LPP: variants seen among roughly 807,000 people sequenced by gnomAD.
The protein encoded by LPP is LIM domain containing preferred translocation partner in lipoma.
A neutral mutation model predicts 60.4 loss-of-function variants in LPP; 38 were observed. The observed-to-expected ratio is 0.63, with a 90% CI of 0.49 to 0.83. The LOEUF is 0.83. Ranked by LOEUF, LPP falls within the 40% of genes least tolerant of loss-of-function variation. The pLI, the probability that LPP is intolerant of heterozygous loss-of-function variation, is 0.00. For synonymous variants in LPP, 328 were observed against 290.8 expected (o/e 1.13, Z -1.30); for missense variants, 902 against 783.6 (o/e 1.15, Z -1.80).
intron 4 of LPP, 129 bp from the exon 5 acceptor site, chr3:188,484,463 A>G: frequency 3.2e-6 from 2 of 626,666 alleles, no homozygotes; most frequent in South Asian, 4.1e-5. Flanking sequence ...AAGATGGGGA[A>G]TAATTGCTAT....
intron 7 of LPP, among the ~76,000 whole-genome samples, chr3:188,632,158 T>A (rs1462745438): frequency 6.6e-6 from 1 of 152,210 alleles, no homozygotes. Context: ...TACCTCTGTC[T>A]TTTCCTCAAA....
At chr3:188,439,478 A>C (rs1793234963) in intron 4 of LPP, among the ~76,000 whole-genome samples, 1 of 152,214 alleles carries the variant, frequency 6.6e-6, no homozygotes, top group South Asian at 2.1e-4. Flanking sequence ...ATAATTGACC[A>C]GTTAGGTAAC....
chr3:188,565,105 A>G (rs1831808870), intron 6 of LPP, among the ~76,000 whole-genome samples: 1 of 151,962 alleles, frequency 6.6e-6, no homozygotes, highest in Non-Finnish European at 1.5e-5. Flanking sequence ...TTCTTCCTCC[A>G]ACACAGCTCC....
intron 9 of LPP, among the ~76,000 whole-genome samples, chr3:188,770,644 G>C (rs556908769): frequency 1.3e-4 from 20 of 152,280 alleles, no homozygotes; most frequent in Non-Finnish European, 2.1e-4. Context: ...GCAGAGAAGA[G>C]AGTGTGTGTC....
intron 9 of LPP, among the ~76,000 whole-genome samples, chr3:188,830,616 A>C (rs938964918): frequency 1.2e-4 from 19 of 152,138 alleles, no homozygotes; most frequent in Middle Eastern, 3.4e-3. Context: ...AAAAACAAAA[A>C]AAAAAATGCT....
At chr3:188,606,334 T>C (rs1326183657) in intron 6 of LPP, among the ~76,000 whole-genome samples, 1 of 152,194 alleles carries the variant, frequency 6.6e-6, no homozygotes, top group African/African-American at 2.4e-5. Context: ...TCCTGACTCT[T>C]ATGGCTATCT....
rs538104773 is a variant in LPP, at chr3:188,281,512, G to A, written c.-67+55985G>A. ...CCAGCTACTTGGGAGGCTGAGGCAG[G>A]AGAATCGCTTGAACCCAGGAGGCGG... On this transcript the variant is annotated intron_variant, in intron 2 of 11. Transcript: ENST00000617246. 3.4e-5 allele frequency among the ~76,000 whole-genome samples: 5 copies of A among 147,774 alleles called. No individual in the cohort carries two copies. In the East Asian group the frequency reaches 8.3e-4, roughly 24 times the overall value.
At chr3:188,701,523 C>T (rs1163089552) in intron 7 of LPP, among the ~76,000 whole-genome samples, 1 of 152,236 alleles carries the variant, frequency 6.6e-6, no homozygotes, top group Non-Finnish European at 1.5e-5. Flanking sequence ...CAGCGAGTGA[C>T]TTATCTCCAT....
chr3:188,820,969 C>T (rs1349970609), intron 9 of LPP, among the ~76,000 whole-genome samples: 1 of 152,002 alleles, frequency 6.6e-6, no homozygotes, highest in African/African-American at 2.4e-5. Context: ...GAGATGATTT[C>T]CTCTTAGAAT....
chr3:188,700,892 C>A (rs922242332), intron 7 of LPP, among the ~76,000 whole-genome samples: 1 of 151,926 alleles, frequency 6.6e-6, no homozygotes, highest in Non-Finnish European at 1.5e-5. Flanking sequence ...ACTATGGGCA[C>A]AAATGGGCAC....
At chr3:188,829,989 C>G (rs1756701395) in intron 9 of LPP, among the ~76,000 whole-genome samples, 1 of 142,668 alleles carries the variant, frequency 7.0e-6, no homozygotes. Context: ...GTGGACAACA[C>G]AGTGAAGCCC....
intron 5 of LPP, among the ~76,000 whole-genome samples, chr3:188,514,474 T>A (rs1816750792): frequency 6.6e-6 from 1 of 152,080 alleles, no homozygotes; most frequent in African/African-American, 2.4e-5. Context: ...TTCACTCTTG[T>A]TGCCCAGGCT....
intron 9 of LPP, among the ~76,000 whole-genome samples, chr3:188,800,497 G>A (rs1465044765): frequency 1.3e-5 from 2 of 151,848 alleles, no homozygotes; most frequent in Non-Finnish European, 2.9e-5. Context: ...CGCCCACCTT[G>A]GCCTCCCAAA....
chr3:188,345,291 A>G (rs935763966), intron 3 of LPP, among the ~76,000 whole-genome samples: 5 of 152,130 alleles, frequency 3.3e-5, no homozygotes, highest in Admixed American at 6.5e-5. Context: ...ATCTTCATTA[A>G]TTTCATGAAG....
intron 1 of LPP, among the ~76,000 whole-genome samples, chr3:188,154,505 TGCCCGGACTTTTCTGGGC>T (rs1229861952): frequency 2.0e-5 from 3 of 152,048 alleles, no homozygotes; most frequent in Admixed American, 2.0e-4. Flanking sequence ...GCGCGCCCCC[TGCCCGGACTTTTCTGGGC>T]GCCCAGGGGG....
At chr3:188,275,335 A>G (rs1451002169) in intron 2 of LPP, among the ~76,000 whole-genome samples, 2 of 152,226 alleles carry the variant, frequency 1.3e-5, no homozygotes, top group East Asian at 3.9e-4. Flanking sequence ...AAATGGAGCC[A>G]TAAACTGTGT....
rs1479499886 is a variant in LPP at position 188,876,664 on chromosome 3, C to A, written c.*2185C>A. On this transcript the variant is annotated 3_prime_UTR_variant, in exon 12 of 12. Coordinates refer to ENST00000617246, the MANE Select transcript of LPP (RefSeq NM_001375462.1). ...TTTATGTAATACTTTCGGAGAAATT[C>A]TCTTTAGGACAAAGCAGAGAGTCCA... The A allele has an allele frequency of 2.1e-5, 4 of 194,102 alleles. No homozygotes were observed. In the South Asian group the frequency reaches 7.7e-4, roughly 37 times the overall value. 12.0% of individuals were successfully genotyped at this position (194,102 alleles called of 1,614,324 possible). A position where few individuals can be genotyped will look rare whatever the true frequency, so the allele number is the denominator to read the frequency against.
At chr3:188,651,173 G>A (rs567569729) in intron 7 of LPP, among the ~76,000 whole-genome samples, 1 of 152,284 alleles carries the variant, frequency 6.6e-6, no homozygotes, top group African/African-American at 2.4e-5. Flanking sequence ...TGAGGATATT[G>A]TGTGCTTCAG....
chr3:188,156,295 T>C (rs1716392988), intron 1 of LPP, among the ~76,000 whole-genome samples: 2 of 152,124 alleles, frequency 1.3e-5, no homozygotes, highest in Admixed American at 1.3e-4. Context: ...TTGCTGTGGC[T>C]GGGACTTGAG....
Sources: gnomAD v4.1 joint callset for allele counts (sites outside exome capture counted in the v4.1 genomes callset) on GRCh38, gnomAD v4.1.1 for gene constraint, MANE v1.5 for transcripts, NCBI Gene and HGNC (gene_info 2026-07-23, HGNC 2026-07-21) for gene names.